Variants in MYO9B observed in about 807,000 individuals in gnomAD.
The protein encoded by MYO9B is unconventional myosin-IXb.
MYO9B carries 71 observed loss-of-function variants against 229.5 expected under a neutral mutation model. The observed-to-expected ratio is 0.31, with a 90% confidence interval of 0.26 to 0.38. The LOEUF is 0.38. Ranked by LOEUF, MYO9B falls within the 10% of genes least tolerant of loss-of-function variation. MYO9B has a pLI of 1.00. For synonymous variants in MYO9B, 1,185 were observed against 1,235.8 expected, an observed-to-expected ratio of 0.96 and a Z score of 0.86; for missense variants, 2,255 against 2,920.5, an observed-to-expected ratio of 0.77 and a Z score of 5.25.
chr19:17,095,940 G>C (rs1378151400), intron 1 of MYO9B: 1 of 151,436 alleles, frequency 6.6e-6, no homozygotes, highest in Non-Finnish European at 1.5e-5. Context: ...ATTTTTTTTT[G>C]GTTTTGTATT....
In MYO9B at chr19:17,212,081, G is replaced by T. The variant is rs763763179; in HGVS notation, c.6245G>T (p.Arg2082Leu). ...LPPGLPSHLP[R>L]WAPGAREAAA... ...CCAGGCCTGCCCTCCCACCTGCCTC[G>T]CTGGGCACCGGGTGCCCGGGAGGCG... The change falls in exon 40 of 40, where the codon CGC becomes CTC. Residue 2082 changes from arginine (R) to leucine (L), a missense_variant. By Grantham distance (102) the Arg-to-Leu change is moderately radical. Transcript: ENST00000682292. This position sits in a 1 kb window ranked among gnomAD's most constrained non-coding sequence, Gnocchi z 5.4. 2 of 1,594,742 alleles carry T rather than the reference G, an allele frequency of 1.3e-6. No individual in the cohort carries two copies. The highest frequency in any genetic ancestry group is 2.3e-5 in the East Asian group (1 of 44,266).
chr19:17,138,935 G>T (rs2072304412), intron 2 of MYO9B, among the ~76,000 whole-genome samples: 1 of 152,144 alleles, frequency 6.6e-6, no homozygotes, highest in Non-Finnish European at 1.5e-5. Flanking sequence ...ACTTTGGGAG[G>T]CCAAGGCAGG....
chr19:17,211,543 GGGACACAGAGTTACATCTA>G, intron 38 of MYO9B, 85 bp from the exon 39 acceptor site: 3 of 1,121,992 alleles, frequency 2.7e-6, no homozygotes, highest in Non-Finnish European at 3.7e-6. Context: ...GGGGAGGTTG[GGGACACAGAGTTACATCTA>G]GGAGCAGGAC....
intron 2 of MYO9B, among the ~76,000 whole-genome samples, chr19:17,129,587 GCCT>G (rs2072169142): frequency 6.6e-6 from 1 of 152,194 alleles, no homozygotes; most frequent in Non-Finnish European, 1.5e-5. Context: ...GGACGCGTCA[GCCT>G]CCTGCTCTTG....
chr19:17,185,889 T>G (rs1407614161), intron 17 of MYO9B, 32 bp from the exon 18 acceptor site: 21 of 1,592,208 alleles, frequency 1.3e-5, no homozygotes, highest in Non-Finnish European at 1.8e-5. Context: ...GGTCCCTGAT[T>G]CAACCCAAAT....
intron 1 of MYO9B, among the ~76,000 whole-genome samples, chr19:17,076,625 C>G (rs2057487308): frequency 6.6e-6 from 1 of 152,026 alleles, no homozygotes; most frequent in Non-Finnish European, 1.5e-5. Flanking sequence ...CCTGACTTCA[C>G]ACTTAACAGC....
rs1333477474 is a variant in MYO9B at position 17,101,382 on chromosome 19, G to T, written c.-58-278G>T. On this transcript the variant is annotated intron_variant, in intron 1 of 39. Coordinates refer to ENST00000682292, the MANE Select transcript of MYO9B (RefSeq NM_004145.4). The surrounding 1 kb of genome is among the most constrained non-coding windows in gnomAD (Gnocchi z 4.7). ...GGGTCTCGCTATGTTGCCCAGGCTG[G>T]TCTCAAACTCCTGGCCTCAAGCGAT... Among the ~76,000 whole-genome samples the T allele has an allele frequency of 2.6e-5, 4 of 152,002 alleles. No individual in the cohort carries two copies. Among genetic ancestry groups the T allele is most frequent in the East Asian group, 1.9e-4 (1 of 5,142 alleles).
Position 17,194,639 on chromosome 19 carries a change from A to G in MYO9B, c.3212A>G (p.Glu1071Gly), listed in dbSNP as rs1480505566. 2 of 1,612,710 alleles carry G rather than the reference A, an allele frequency of 1.2e-6. No individual in the cohort carries two copies. Among genetic ancestry groups the G allele is most frequent in the Non-Finnish European group, 1.7e-6 (2 of 1,179,768 alleles). ...GAAGCCGCAAGAGCAGGTGCTGAGG[A>G]GGGCGGACAGGGTCAGGCGGCTGGA... Reference protein sequence around the residue: ...ALEAARAGAEEGGQGQAAGGQ... With the variant: ...ALEAARAGAEGGGQGQAAGGQ... The change falls in exon 22 of 40, where the codon GAG becomes GGG. Residue 1071 changes from glutamate to glycine, a missense_variant. Glu to Gly is a moderately conservative substitution (Grantham distance 98, BLOSUM62 -2). Around this residue, in one of 7 missense-constraint regions of MYO9B, gnomAD observed 679 missense variants for 770.2 expected, o/e 0.88. Coordinates refer to ENST00000682292, the MANE Select transcript of MYO9B (RefSeq NM_004145.4).
chr19:17,183,733 T>G, intron 15 of MYO9B, 96 bp from the exon 16 acceptor site: 1 of 1,051,438 alleles, frequency 9.5e-7, no homozygotes. Flanking sequence ...TCTCTGTGTC[T>G]CTCAGTCTAA....
chr19:17,173,010 G>A, intron 13 of MYO9B, 47 bp downstream of exon 13: 1 of 1,579,800 alleles, frequency 6.3e-7, no homozygotes, highest in South Asian at 1.1e-5. Context: ...GTCGAGAGGG[G>A]GGCACATCCT....
In MYO9B at chr19:17,172,532, C is replaced by T; in HGVS notation, c.1935+55C>T. ...AGCCTGAGGGAAGCCACAGTCAGCC[C>T]AGAAGCCCATGTGGGAGGATCCTCC... is the stretch of plus-strand genomic sequence containing the variant. On this transcript the variant is annotated intron_variant, in intron 12 of 39. Transcript: ENST00000682292. The surrounding 1 kb of genome is among the most constrained non-coding windows in gnomAD (Gnocchi z 8.2). The T allele has an allele frequency of 1.9e-6, 3 of 1,599,732 alleles. No individual in the cohort carries two copies. The highest frequency in any genetic ancestry group is 1.3e-5 in the African/African-American group (1 of 74,760).
chr19:17,077,840 T>C (rs1450392109), intron 1 of MYO9B, among the ~76,000 whole-genome samples: 1 of 152,230 alleles, frequency 6.6e-6, no homozygotes, highest in Non-Finnish European at 1.5e-5. Context: ...TGATTTTTTT[T>C]CAACCGCTTC....
At chr19:17,088,932 C>G (rs2057610392) in intron 1 of MYO9B, among the ~76,000 whole-genome samples, 1 of 152,048 alleles carries the variant, frequency 6.6e-6, no homozygotes, top group Non-Finnish European at 1.5e-5. Context: ...GCTCAAGTAG[C>G]CTCCCAAAGT....
chr19:17,090,430 C>T (rs1370756254), intron 1 of MYO9B, among the ~76,000 whole-genome samples: 6 of 152,146 alleles, frequency 3.9e-5, no homozygotes, highest in African/African-American at 7.2e-5. Context: ...AGATTAGAGG[C>T]GTGAGCCGCC....
At chr19:17,200,065 G>T (rs2073090583) in intron 24 of MYO9B, among the ~76,000 whole-genome samples, 1 of 151,990 alleles carries the variant, frequency 6.6e-6, no homozygotes, top group Non-Finnish European at 1.5e-5. Flanking sequence ...TAGAGACAGG[G>T]TTTTGCCATG....
At chr19:17,208,181 A>C (rs2073184138) in intron 35 of MYO9B, among the ~76,000 whole-genome samples, 1 of 146,490 alleles carries the variant, frequency 6.8e-6, no homozygotes, top group Non-Finnish European at 1.5e-5. Flanking sequence ...TAAAAAATAT[A>C]TATATAAACT....
At chr19:17,144,631 ACT>A (rs1439835031) in intron 2 of MYO9B, among the ~76,000 whole-genome samples, 1 of 151,438 alleles carries the variant, frequency 6.6e-6, no homozygotes. Flanking sequence ...AAAATGGGCT[ACT>A]CTCTGCTTAC....
At chr19:17,164,804 A>G (rs776122256) in intron 10 of MYO9B, among the ~76,000 whole-genome samples, 4 of 152,214 alleles carry the variant, frequency 2.6e-5, no homozygotes, top group Non-Finnish European at 5.9e-5. Flanking sequence ...TGATTTTCCT[A>G]TTAAGCTTTT....
chr19:17,103,943 C>A (rs2057769142), intron 2 of MYO9B, among the ~76,000 whole-genome samples: 1 of 151,662 alleles, frequency 6.6e-6, no homozygotes, highest in Non-Finnish European at 1.5e-5. Flanking sequence ...GTAATCCCAG[C>A]TACTCGGGAG....
Sources: gnomAD v4.1 joint callset for allele counts (sites outside exome capture counted in the v4.1 genomes callset) on GRCh38, gnomAD v4.1.1 for gene constraint, gnomAD v4.1.1 regional missense constraint, Gnocchi (gnomAD v3.1) non-coding constraint, MANE v1.5 for transcripts, NCBI Gene and HGNC (gene_info 2026-07-23, HGNC 2026-07-21) for gene names.